Variants in COL5A1 observed in about 807,000 individuals in gnomAD.
COL5A1 encodes collagen type V alpha 1 chain, also known as collagen alpha-1(V) chain.
Under a neutral mutation model 263.7 loss-of-function variants are expected in COL5A1, and 16 were observed. The ratio of observed to expected loss-of-function variants is 0.06; its 90% CI spans 0.04 to 0.09. The LOEUF is 0.09. Ranked by LOEUF, COL5A1 falls within the 10% of genes least tolerant of loss-of-function variation. The probability of loss-of-function intolerance (pLI) is 1.00; values close to 1 mark genes in which losing one functional copy is unlikely to be tolerated. For synonymous variants in COL5A1, 1,012 were observed against 1,004.5 expected (o/e 1.01, Z -0.14); for missense variants, 2,036 against 2,540.5 (o/e 0.80, Z 4.27).
intron 42 of COL5A1, among the ~76,000 whole-genome samples, chr9:134,808,204 C>T (rs1019285476): frequency 3.3e-5 from 5 of 152,156 alleles, no homozygotes; most frequent in Non-Finnish European, 7.4e-5. Context: ...TAGACCAGAA[C>T]ATTGAATGTA....
At chr9:134,718,502 A>C (rs144073581) in intron 4 of COL5A1, among the ~76,000 whole-genome samples, 1,846 of 152,296 alleles carry the variant, frequency 0.012, 17 homozygotes, top group South Asian at 0.025. Context: ...TTGGCTTTTA[A>C]AGTTGAGCAG....
At chr9:134,796,970 A>T (rs1350828857) in intron 36 of COL5A1, 69 bp downstream of exon 36, 4 of 1,249,938 alleles carry the variant, frequency 3.2e-6, no homozygotes, top group Middle Eastern at 2.0e-4. Flanking sequence ...CCCCTCCAAA[A>T]CCCGCCTGTT....
intron 1 of COL5A1, among the ~76,000 whole-genome samples, chr9:134,679,064 C>T (rs1564381530): frequency 6.6e-6 from 1 of 152,218 alleles, no homozygotes; most frequent in Non-Finnish European, 1.5e-5. Flanking sequence ...TTTGGAGCCT[C>T]CTCTTCACTA....
rs146074704 is a variant in COL5A1 at position 134,690,999 on chromosome 9, G to C, written c.197G>C (p.Arg66Pro). 2.5e-6 allele frequency: 4 copies of C among 1,613,720 alleles called. No homozygotes were observed. The highest frequency in any genetic ancestry group is 3.4e-6 in the Non-Finnish European group (4 of 1,180,062). Residue 66 changes from arginine to proline, a missense_variant, in exon 2 of 66, where the codon CGA becomes CCA. Around this residue, in one of 3 missense-constraint regions of COL5A1, gnomAD observed 600 missense variants for 634.5 expected, o/e 0.95. Coordinates refer to ENST00000371817, the MANE Select transcript of COL5A1 (RefSeq NM_000093.5). ...ACAACAGGCTTTTGCGCCACGCGGC[G>C]ATCTTCCAAAGGCCCGGATGTCGCT... The part of the protein sequence containing the change: ...TKTTGFCATR[R>P]SSKGPDVAYR...
chr9:134,765,568 G>C lies in COL5A1; in HGVS notation c.2035-113G>C. The C allele has an allele frequency of 1.1e-6, 1 of 938,838 alleles. No individual in the cohort carries two copies. The highest frequency in any genetic ancestry group is 1.4e-5 in the South Asian group (1 of 72,198). 58.2% of individuals were successfully genotyped at this position (938,838 alleles called of 1,614,324 possible). ...TCACTCCTGGGAGGCCAGGAGGCCT[G>C]AGTCACCAGCTGGGGTTCTGGGTGG... On this transcript the variant is annotated intron_variant, in intron 20 of 65. Coordinates refer to ENST00000371817, the MANE Select transcript of COL5A1 (RefSeq NM_000093.5). This position sits in a 1 kb window ranked among gnomAD's most constrained non-coding sequence, Gnocchi z 5.1.
At chr9:134,688,226 A>C (rs973159096) in intron 1 of COL5A1, among the ~76,000 whole-genome samples, 2 of 152,158 alleles carry the variant, frequency 1.3e-5, no homozygotes, top group Non-Finnish European at 2.9e-5. Flanking sequence ...TCTTGCCTTC[A>C]GCAATGGAGA....
At chr9:134,726,144 A>G (rs186538543) in intron 4 of COL5A1, among the ~76,000 whole-genome samples, 21 of 152,336 alleles carry the variant, frequency 1.4e-4, no homozygotes, top group Admixed American at 9.1e-4. Context: ...CTCGGGGTCT[A>G]GGGCGGGTGA....
chr9:134,797,687 T>G (rs1445872728), intron 36 of COL5A1, among the ~76,000 whole-genome samples: 1 of 152,182 alleles, frequency 6.6e-6, no homozygotes, highest in Admixed American at 6.5e-5. Context: ...TTCACCGTGT[T>G]GGCCAGGATG....
Position 134,755,350 on chromosome 9 carries a change from A to T in COL5A1, c.1827+1024A>T, listed in dbSNP as rs1835928781. Among the ~76,000 whole-genome samples, 2 of 152,218 alleles carry T rather than the reference A, an allele frequency of 1.3e-5. No homozygotes were observed. Among genetic ancestry groups the T allele is most frequent in the Admixed American group, 1.3e-4 (2 of 15,284 alleles). On this transcript the variant is annotated intron_variant, in intron 16 of 65. Coordinates refer to ENST00000371817, the MANE Select transcript of COL5A1 (RefSeq NM_000093.5). The surrounding 1 kb of genome is among the most constrained non-coding windows in gnomAD (Gnocchi z 4.1). The stretch of plus-strand genomic sequence containing the variant: ...AACTGGTTTCCTAGAGTGAGGTTAA[A>T]AACTGGAACAAGAGGAGACTCGGGA...
rs756632133 is a variant in COL5A1 at position 134,811,314 on chromosome 9, T to C, written c.3529-25T>C. On this transcript the variant is annotated intron_variant, in intron 44 of 65. Transcript: ENST00000371817. ...CTTATCCACGATCCAAGAAGCTACC[T>C]ATGTCTCTGTCTTGTTCCCCGCAGG... is the stretch of plus-strand genomic sequence containing the variant. The C allele has an allele frequency of 2.9e-5, 47 of 1,612,330 alleles. No individual in the cohort carries two copies. The Admixed American group carries it at 7.2e-4, about 25-fold the overall frequency.
At chr9:134,645,441 A>G (rs1396230536) in intron 1 of COL5A1, among the ~76,000 whole-genome samples, 1 of 152,210 alleles carries the variant, frequency 6.6e-6, no homozygotes, top group Non-Finnish European at 1.5e-5. Flanking sequence ...GAGGGCGAGG[A>G]TGAGTCCCCA....
chr9:134,748,237 AC>A (rs1835640489), intron 11 of COL5A1, among the ~76,000 whole-genome samples: 1 of 151,746 alleles, frequency 6.6e-6, no homozygotes, highest in South Asian at 2.1e-4. Context: ...ACACCCACAC[AC>A]ATGCACACAT....
In COL5A1 at chr9:134,793,391, G is replaced by GGC. The variant is rs1554801177; in HGVS notation, c.2701-1690_2701-1689dup. On this transcript the variant is annotated intron_variant, in intron 32 of 65. Coordinates refer to ENST00000371817, the MANE Select transcript of COL5A1 (RefSeq NM_000093.5). ...AAGGAAGGCTAAGGAGGCTGGGGGGGGCATTCTGTTCCACAGCTCCAGTCA... is the reference window on the plus strand; with the variant it reads ...AAGGAAGGCTAAGGAGGCTGGGGGGGGCGCATTCTGTTCCACAGCTCCAGTCA... 5.3e-3 allele frequency among the ~76,000 whole-genome samples: 805 copies of GGC among 151,722 alleles called. 7 individuals carry two copies. Among genetic ancestry groups the GGC allele is most frequent in the African/African-American group, 0.018 (745 of 41,208 alleles).
At chr9:134,825,750 C>T (rs1352378475) in intron 62 of COL5A1, 42 bp from the exon 63 acceptor site, 1 of 1,360,108 alleles carries the variant, frequency 7.4e-7, no homozygotes, top group African/African-American at 1.4e-5. Flanking sequence ...GGGAGCAATC[C>T]TTCTGACTCT....
intron 11 of COL5A1, among the ~76,000 whole-genome samples, chr9:134,747,889 ATT>A (rs1835603229): frequency 1.3e-5 from 2 of 150,310 alleles, no homozygotes; most frequent in Admixed American, 6.6e-5. Flanking sequence ...GCACACATGC[ATT>A]CATACACACA....
rs946573627 is a variant in COL5A1 at position 134,738,617 on chromosome 9, C to A, written c.1431+102C>A. 6.2e-5 allele frequency: 97 copies of A among 1,564,086 alleles called. No homozygotes were observed. The Middle Eastern group carries it at 8.3e-4, about 13-fold the overall frequency. On this transcript the variant is annotated intron_variant, in intron 10 of 65. Coordinates refer to ENST00000371817, the MANE Select transcript of COL5A1 (RefSeq NM_000093.5). ...CCTGGATGGAAAAGAGGGGGGCTCT[C>A]CGCTTTTGCAGATCCCCTGGGAGCC...
intron 39 of COL5A1, among the ~76,000 whole-genome samples, chr9:134,804,481 G>A (rs1433417651): frequency 6.6e-6 from 1 of 152,286 alleles, no homozygotes; most frequent in East Asian, 1.9e-4. Flanking sequence ...GTCTGAGCAC[G>A]GTCTTACAAG....
chr9:134,839,526 A>G (rs1839954843), intron 65 of COL5A1, among the ~76,000 whole-genome samples: 1 of 152,140 alleles, frequency 6.6e-6, no homozygotes, highest in African/African-American at 2.4e-5. Context: ...CCAGCCTCCC[A>G]GGGGTGGATG....
rs79785826 is a variant in COL5A1 at position 134,718,880 on chromosome 9, G to C, written c.655-8386G>C. ...GGAGACCTTGCCTTCCTCCTGGGGG[G>C]GCTGCAAGAATGGGAGTAGGGCCAG... On this transcript the variant is annotated intron_variant, in intron 4 of 65. Transcript: ENST00000371817. 7.1e-3 allele frequency among the ~76,000 whole-genome samples: 1,079 copies of C among 152,264 alleles called. 11 individuals are homozygous for C. The highest frequency in any genetic ancestry group is 0.024 in the African/African-American group (999 of 41,528).
Sources: allele counts gnomAD v4.1 joint callset (sites outside exome capture counted in the v4.1 genomes callset), GRCh38; gene constraint gnomAD v4.1.1; regional missense constraint gnomAD v4.1.1; non-coding constraint Gnocchi (gnomAD v3.1); transcripts MANE v1.5; gene names NCBI Gene and HGNC (gene_info 2026-07-23, HGNC 2026-07-21).